Variants in CTNNAL1 observed in about 807,000 individuals in gnomAD.
CTNNAL1 encodes catenin alpha like 1, also known as alpha-catulin.
A neutral mutation model predicts 93.6 loss-of-function variants in CTNNAL1; 69 were observed. The observed-to-expected ratio is 0.74, with a 90% confidence interval of 0.61 to 0.90. The LOEUF is 0.90. Among genes scored for constraint, CTNNAL1 ranks in the 40% least tolerant of loss-of-function variants. The pLI is 0.00. For synonymous variants in CTNNAL1, 286 were observed against 305.4 expected, an observed-to-expected ratio of 0.94 and a Z score of 0.66; for missense variants, 836 against 862.0, an observed-to-expected ratio of 0.97 and a Z score of 0.38.
In CTNNAL1 at chr9:108,943,025, T is replaced by C. The variant is rs1830289145; in HGVS notation, c.2075A>G (p.Lys692Arg). The change falls in exon 18 of 19, where the codon AAG (lysine) becomes AGG (arginine). Residue 692 changes from lysine (K) to arginine (R), a missense_variant. Physicochemically the swap from Lys to Arg is conservative, Grantham distance 26. Transcript: ENST00000325551. ...VFLKVDKCIT[K>R]TRSMMALLVQ... ...TAAGAGAGCCATCATGGATCTTGTC[T>C]TCGTAATACACTTGTCAACCTACAA... The C allele has an allele frequency of 6.2e-7, 1 of 1,612,318 alleles. No individual in the cohort carries two copies. Among genetic ancestry groups the C allele is most frequent in the Non-Finnish European group, 8.5e-7 (1 of 1,179,632 alleles).
At chr9:108,956,350 G>A (rs577601579) in intron 11 of CTNNAL1, among the ~76,000 whole-genome samples, 8 of 152,306 alleles carry the variant, frequency 5.3e-5, no homozygotes, top group South Asian at 4.1e-4. Flanking sequence ...GAATTGACAC[G>A]TCACATGAAG....
At chr9:109,004,232 A>G (rs1312157665) in intron 1 of CTNNAL1, among the ~76,000 whole-genome samples, 1 of 152,202 alleles carries the variant, frequency 6.6e-6, no homozygotes, top group Non-Finnish European at 1.5e-5. Flanking sequence ...TAGGATTCAG[A>G]GTCAGACATT....
intron 12 of CTNNAL1, among the ~76,000 whole-genome samples, chr9:108,955,332 T>C (rs765914507): frequency 6.6e-6 from 1 of 152,156 alleles, no homozygotes; most frequent in Non-Finnish European, 1.5e-5. Flanking sequence ...TTGGGACCAC[T>C]ACTTGGTTAA....
intron 12 of CTNNAL1, 42 bp from the exon 13 acceptor site, chr9:108,952,536 C>T (rs372333801): frequency 4.4e-6 from 7 of 1,608,144 alleles, no homozygotes; most frequent in Admixed American, 3.4e-5. Context: ...AAAAGCAGTA[C>T]ATTAAACTGT....
At chr9:108,944,757 T>C (rs1485723112) in intron 15 of CTNNAL1, among the ~76,000 whole-genome samples, 1 of 152,016 alleles carries the variant, frequency 6.6e-6, no homozygotes, top group Admixed American at 6.5e-5. Flanking sequence ...CTGAGAGTGG[T>C]TTGTGAATGA....
chr9:108,942,950 A>C lies in CTNNAL1; in HGVS notation c.2139+11T>G, dbSNP rs139523471. 6 of 1,611,154 alleles carry C rather than the reference A, an allele frequency of 3.7e-6. No individual in the cohort carries two copies. In the African/African-American group the frequency reaches 6.7e-5, roughly 18 times the overall value. ...TTAAAGTATGAGTCTAAAATAGAAAAACTACCTCACCTTCTTCAGCAGTTT... is the reference window on the plus strand; with the variant it reads ...TTAAAGTATGAGTCTAAAATAGAAACACTACCTCACCTTCTTCAGCAGTTT... On this transcript the variant is annotated intron_variant, in intron 18 of 18. Transcript: ENST00000325551.
At chr9:108,999,432 AAT>A (rs1372515094) in intron 1 of CTNNAL1, among the ~76,000 whole-genome samples, 176 bp from the exon 2 acceptor site, 1 of 152,206 alleles carries the variant, frequency 6.6e-6, no homozygotes, top group African/African-American at 2.4e-5. Context: ...TCCTTAAGAC[AAT>A]GTTTCCATTA....
chr9:108,957,504 G>A (rs992228765), intron 11 of CTNNAL1, among the ~76,000 whole-genome samples: 2 of 152,178 alleles, frequency 1.3e-5, no homozygotes, highest in Non-Finnish European at 2.9e-5. Context: ...TACTAAGAGT[G>A]AGTTAATGGT....
At chr9:108,960,144 C>A (rs1295058425) in intron 11 of CTNNAL1, among the ~76,000 whole-genome samples, 1 of 152,048 alleles carries the variant, frequency 6.6e-6, no homozygotes, top group East Asian at 1.9e-4. Flanking sequence ...AAAATGAATC[C>A]CTGACCACTA....
rs1236258930 is a variant in CTNNAL1 at position 108,945,645 on chromosome 9, TTTG to T, written c.1885-1630_1885-1628del. Among the ~76,000 whole-genome samples the T allele has an allele frequency of 5.1e-3, 763 of 150,486 alleles. 10 individuals carry two copies. Among genetic ancestry groups the T allele is most frequent in the African/African-American group, 0.018 (744 of 40,324 alleles). On this transcript the variant is annotated intron_variant, in intron 15 of 18. Transcript: ENST00000325551. ...CCCCGCTAGTTTTTTTTTTTTTTGT[TTTG>T]TTTTTTTGTAGAGACAAGGTCTCAC...
At chr9:109,012,775 G>C (rs1044428545) in intron 1 of CTNNAL1, among the ~76,000 whole-genome samples, 1 of 152,210 alleles carries the variant, frequency 6.6e-6, no homozygotes, top group African/African-American at 2.4e-5. Flanking sequence ...ACTGACCTAC[G>C]GCGGGGAGGG....
chr9:108,987,146 G>A (rs1227463353), intron 4 of CTNNAL1, among the ~76,000 whole-genome samples: 1 of 152,036 alleles, frequency 6.6e-6, no homozygotes, highest in African/African-American at 2.4e-5. Flanking sequence ...TTCTTCTAGG[G>A]TTTTTATGGT....
At chr9:108,999,875 C>T (rs1248583074) in intron 1 of CTNNAL1, among the ~76,000 whole-genome samples, 1 of 152,216 alleles carries the variant, frequency 6.6e-6, no homozygotes, top group African/African-American at 2.4e-5. Context: ...AAGGTGACAA[C>T]TTCAGCTCAC....
At chr9:108,960,722 C>CT (rs979824452) in intron 11 of CTNNAL1, among the ~76,000 whole-genome samples, 1 of 152,148 alleles carries the variant, frequency 6.6e-6, no homozygotes, top group African/African-American at 2.4e-5. Flanking sequence ...TGAGATAAGG[C>CT]TTTTTTCTGA....
At chr9:108,990,346 AATATCTAACAAG>A (rs1343588108) in intron 4 of CTNNAL1, among the ~76,000 whole-genome samples, 2 of 152,212 alleles carry the variant, frequency 1.3e-5, no homozygotes, top group African/African-American at 4.8e-5. Flanking sequence ...AAGAATAACA[AATATCTAACAAG>A]ATACTATAAG....
At chr9:108,990,424 G>C (rs2132172246) in intron 4 of CTNNAL1, among the ~76,000 whole-genome samples, 1 of 152,264 alleles carries the variant, frequency 6.6e-6, no homozygotes, top group Middle Eastern at 3.4e-3. Context: ...GAATCAAATG[G>C]AAAGCTTCAT....
chr9:108,969,543 A>G (rs1831050516), intron 10 of CTNNAL1, among the ~76,000 whole-genome samples: 1 of 152,160 alleles, frequency 6.6e-6, no homozygotes, highest in African/African-American at 2.4e-5. Context: ...TTCATTTAAC[A>G]TTGAACAGAA....
intron 14 of CTNNAL1, 61 bp from the exon 15 acceptor site, chr9:108,948,295 T>A: frequency 6.6e-7 from 1 of 1,509,288 alleles, no homozygotes. Context: ...ATTGACTTTA[T>A]AATATTAAAA....
intron 4 of CTNNAL1, among the ~76,000 whole-genome samples, chr9:108,988,057 A>G (rs1006433175): frequency 6.6e-6 from 1 of 152,178 alleles, no homozygotes; most frequent in African/African-American, 2.4e-5. Context: ...CAGAACTTCC[A>G]ACACTATGTT....
Sources: allele counts gnomAD v4.1 joint callset (sites outside exome capture counted in the v4.1 genomes callset), GRCh38; gene constraint gnomAD v4.1.1; transcripts MANE v1.5; gene names NCBI Gene and HGNC (gene_info 2026-07-23, HGNC 2026-07-21).